CYP2F1: variants seen among roughly 807,000 people sequenced by gnomAD.
CYP2F1 encodes the protein cytochrome P450 family 2 subfamily F member 1, also known as cytochrome P450 2F1.
CYP2F1 carries 33 observed loss-of-function variants against 40.4 expected under a neutral mutation model. The ratio of observed to expected loss-of-function variants is 0.82; its 90% CI spans 0.62 to 1.09. The LOEUF (loss-of-function observed/expected upper bound fraction) is 1.09. Among genes scored for constraint, CYP2F1 ranks in the 50% least tolerant of loss-of-function variants. CYP2F1 has a pLI of 0.00. For synonymous variants in CYP2F1, 235 were observed against 277.2 expected, an observed-to-expected ratio of 0.85 and a Z score of 1.51; for missense variants, 566 against 655.7, an observed-to-expected ratio of 0.86 and a Z score of 1.49.
At chr19:41,117,201 G>A (rs2031871013) in intron 3 of CYP2F1, among the ~76,000 whole-genome samples, 1 of 151,990 alleles carries the variant, frequency 6.6e-6, no homozygotes, top group Admixed American at 6.6e-5. Context: ...CACAATCTCG[G>A]CCCACTGCAA....
rs1372783296 is a variant in CYP2F1 at position 41,122,041 on chromosome 19, C to T, written c.730C>T (p.Leu244Phe). Reference sequence around the variant, plus strand: ...CCAGAACTTCAAGTGCCTGAGAGACCTCATCGCCCACAGCGTCCACGACCA... The same window carrying T: ...CCAGAACTTCAAGTGCCTGAGAGACTTCATCGCCCACAGCGTCCACGACCA... ...IFQNFKCLRD[L>F]IAHSVHDHQA... The change falls in exon 6 of 10, where the codon CTC becomes TTC. Residue 244 changes from leucine to phenylalanine, a missense_variant. Leu to Phe is a conservative substitution (Grantham distance 22, BLOSUM62 0). Coordinates refer to ENST00000331105, the MANE Select transcript of CYP2F1 (RefSeq NM_000774.5). 12 of 1,612,502 alleles carry T rather than the reference C, an allele frequency of 7.4e-6. No homozygotes were observed. Among genetic ancestry groups the T allele is most frequent in the Non-Finnish European group, 9.3e-6 (11 of 1,179,648 alleles).
chr19:41,116,109 A>AGG, intron 1 of CYP2F1, 69 bp from the exon 2 acceptor site: 1 of 1,431,274 alleles, frequency 7.0e-7, no homozygotes, highest in Admixed American at 2.1e-5. Flanking sequence ...AGGGAAGGTA[A>AGG]GTCCCAGGGG....
chr19:41,127,404 T>C (rs1226206072), intron 9 of CYP2F1, among the ~76,000 whole-genome samples: 2 of 152,176 alleles, frequency 1.3e-5, no homozygotes, highest in Non-Finnish European at 2.9e-5. Flanking sequence ...GGCACGATCA[T>C]GGCTCACTGC....
intron 9 of CYP2F1, among the ~76,000 whole-genome samples, chr19:41,127,340 T>C (rs533045662): frequency 6.6e-6 from 1 of 152,234 alleles, no homozygotes; most frequent in South Asian, 2.1e-4. Context: ...CTATCCCTCC[T>C]TTTATTTTTC....
In CYP2F1 at chr19:41,120,446, G is replaced by A. The variant is rs145467892; in HGVS notation, c.434G>A (p.Arg145Gln). ...ATGGGGAAGAGAAGCATTGAGGAGC[G>A]AATCCTAGAGGAGGGCAGCTTCCTG... The part of the protein sequence containing the change: ...FGMGKRSIEE[R>Q]ILEEGSFLLA... The change falls in exon 4 of 10, where the codon CGA becomes CAA. Residue 145 changes from arginine (R) to glutamine (Q), a missense_variant. Around this residue, in one of 5 missense-constraint regions of CYP2F1, gnomAD observed 264 missense variants for 275.7 expected, o/e 0.96. Coordinates refer to ENST00000331105, the MANE Select transcript of CYP2F1 (RefSeq NM_000774.5). The A allele has an allele frequency of 6.8e-5, 109 of 1,613,878 alleles. No homozygotes were observed. The highest frequency in any genetic ancestry group is 3.3e-4 in the Admixed American group (20 of 59,906).
chr19:41,117,677 C>T (rs543025906), intron 3 of CYP2F1, among the ~76,000 whole-genome samples: 39 of 152,216 alleles, frequency 2.6e-4, no homozygotes, highest in African/African-American at 9.4e-4. Flanking sequence ...AATCTTATAA[C>T]CCCCTTCATT....
intron 6 of CYP2F1, 96 bp from the exon 7 acceptor site, chr19:41,122,726 A>C (rs888843545): frequency 7.6e-7 from 1 of 1,321,666 alleles, no homozygotes; most frequent in African/African-American, 1.5e-5. Flanking sequence ...AGTTAAACCC[A>C]GCTGGGACCG....
In CYP2F1 at chr19:41,122,810, C is replaced by G. The variant is rs1282150042; in HGVS notation, c.823-12C>G. 2 of 1,527,534 alleles carry G rather than the reference C, an allele frequency of 1.3e-6. No individual in the cohort carries two copies. 94.6% of individuals were successfully genotyped at this position (1,527,534 alleles called of 1,614,324 possible). A position where few individuals can be genotyped will look rare whatever the true frequency, so the allele number is the denominator to read the frequency against. On this transcript the variant is annotated splice_polypyrimidine_tract_variant and intron_variant, in intron 6 of 9. Transcript: ENST00000331105. ...ATTCCTGGCTCACATCCCCACCCCT[C>G]TACCAATGCAGGAGAAGGAGGACCC...
intron 9 of CYP2F1, among the ~76,000 whole-genome samples, chr19:41,126,612 T>A (rs1011468643): frequency 9.9e-5 from 15 of 151,426 alleles, no homozygotes; most frequent in Non-Finnish European, 1.5e-5. Context: ...ATTACCTAGA[T>A]GTGGTGTGGT....
chr19:41,125,880 C>T (rs2032525879), intron 9 of CYP2F1: 5 of 630,226 alleles, frequency 7.9e-6, no homozygotes, highest in Non-Finnish European at 1.3e-5. Context: ...CACCTGTAAT[C>T]CCAGCACTTT....
At chr19:41,121,014 T>A (rs114028315) in intron 4 of CYP2F1, among the ~76,000 whole-genome samples, 15,093 of 151,898 alleles carry the variant, frequency 0.099, 904 homozygotes, top group Admixed American at 0.16. Context: ...GTATGCTGGC[T>A]TTATGTGTTG....
chr19:41,120,393 C>T lies in CYP2F1; in HGVS notation c.381C>T (p.Phe127=). The T allele has an allele frequency of 6.2e-7, 1 of 1,614,024 alleles. No individual in the cohort carries two copies. Among genetic ancestry groups the T allele is most frequent in the Non-Finnish European group, 8.5e-7 (1 of 1,179,984 alleles). Residue 127 remains phenylalanine (F), a synonymous_variant, in exon 4 of 10, where the codon TTC becomes TTT. Coordinates refer to ENST00000331105, the MANE Select transcript of CYP2F1 (RefSeq NM_000774.5). The part of the protein sequence containing the change: ...SGDRWKVLRQ[F]SIQILRNFGM... Reference sequence around the variant, plus strand: ...ATCGATGGAAGGTCCTGAGACAGTTCTCTATCCAGATTCTACGGAATTTCG... The same window carrying T: ...ATCGATGGAAGGTCCTGAGACAGTTTTCTATCCAGATTCTACGGAATTTCG...
Position 41,123,330 on chromosome 19 carries a change from T to C in CYP2F1, c.964+367T>C, listed in dbSNP as rs143995090. On this transcript the variant is annotated intron_variant, in intron 7 of 9. Coordinates refer to ENST00000331105, the MANE Select transcript of CYP2F1 (RefSeq NM_000774.5). ...GATTCTCCTGCCTCAGCCTCCCAAG[T>C]AGCTGGGATTACAGCCTCCCAAGTA... is the stretch of plus-strand genomic sequence containing the variant. The C allele has an allele frequency of 1.9e-3, 727 of 378,258 alleles. 6 individuals are homozygous for C. The highest frequency in any genetic ancestry group is 0.014 in the African/African-American group (678 of 47,616). 23.4% of individuals were successfully genotyped at this position (378,258 alleles called of 1,614,324 possible).
chr19:41,123,110 G>T, intron 7 of CYP2F1, 147 bp downstream of exon 7: 1 of 910,280 alleles, frequency 1.1e-6, no homozygotes, highest in Non-Finnish European at 1.7e-6. Flanking sequence ...CCCACACGGA[G>T]GCCGATCCCA....
rs752549276 is a variant in CYP2F1 at position 41,128,084 on chromosome 19, G to A, written c.*2G>A. On this transcript the variant is annotated 3_prime_UTR_variant, in exon 10 of 10. Transcript: ENST00000331105. Reference sequence around the variant, plus strand: ...CAGCTGTGCCTGCGCCCGCGCTAACGCCCCGGCCCTTCCAGATTCGCCTGT... The same window carrying A: ...CAGCTGTGCCTGCGCCCGCGCTAACACCCCGGCCCTTCCAGATTCGCCTGT... The A allele has an allele frequency of 1.3e-5, 21 of 1,599,326 alleles. No homozygotes were observed. Among genetic ancestry groups the A allele is most frequent in the Non-Finnish European group, 1.7e-5 (20 of 1,173,290 alleles).
At chr19:41,124,255 CTTTTTTTTTTTTTTT>C (rs61661824) in intron 7 of CYP2F1, among the ~76,000 whole-genome samples, 1 of 35,278 alleles carries the variant, frequency 2.8e-5, no homozygotes, top group African/African-American at 1.2e-4. Context: ...TCCCCCCCCC[CTTTTTTTTTTTTTTT>C]TTTTTTTTTT....
At chr19:41,124,000 C>T (rs1445641219) in intron 7 of CYP2F1, among the ~76,000 whole-genome samples, 1 of 152,080 alleles carries the variant, frequency 6.6e-6, no homozygotes, top group Non-Finnish European at 1.5e-5. Context: ...CAAGCTCCAT[C>T]TCTGGGTGTA....
At chr19:41,119,403 A>G (rs2032004641) in intron 3 of CYP2F1, among the ~76,000 whole-genome samples, 1 of 151,700 alleles carries the variant, frequency 6.6e-6, no homozygotes, top group Non-Finnish European at 1.5e-5. Context: ...TCCTGAGGTC[A>G]GGAGTTTGGT....
chr19:41,123,633 C>T (rs1275314036), intron 7 of CYP2F1, among the ~76,000 whole-genome samples: 2 of 152,128 alleles, frequency 1.3e-5, no homozygotes, highest in Non-Finnish European at 2.9e-5. Flanking sequence ...TCCCCACCTC[C>T]GCCTTATCAA....
Sources: allele counts gnomAD v4.1 joint callset (sites outside exome capture counted in the v4.1 genomes callset), GRCh38; gene constraint gnomAD v4.1.1; regional missense constraint gnomAD v4.1.1; transcripts MANE v1.5; gene names NCBI Gene and HGNC (gene_info 2026-07-23, HGNC 2026-07-21).